Variants in MEI4 observed in about 807,000 individuals in gnomAD.
The protein encoded by MEI4 is meiosis-specific protein MEI4.
MEI4 carries 27 observed loss-of-function variants against 31.4 expected under a neutral mutation model. The ratio of observed to expected loss-of-function variants is 0.86; its 90% CI spans 0.63 to 1.19. MEI4 has a LOEUF of 1.19. Among genes scored for constraint, MEI4 ranks in the 50% most tolerant of loss-of-function variants. The pLI is 0.00. For missense variants in MEI4, 329 were observed against 398.9 expected, an observed-to-expected ratio of 0.82 and a Z score of 1.49; for synonymous variants, 122 against 145.4, an observed-to-expected ratio of 0.84 and a Z score of 1.16.
intron 4 of MEI4, among the ~76,000 whole-genome samples, chr6:77,905,791 G>A (rs182174154): frequency 5.0e-4 from 75 of 149,574 alleles, no homozygotes; most frequent in African/African-American, 1.5e-3. Flanking sequence ...CCACTGAGCC[G>A]GGCCAGCTTT....
Position 77,882,823 on chromosome 6 carries a change from T to C in MEI4, c.901-40266T>C, listed in dbSNP as rs561611330. Reference sequence around the variant, plus strand: ...TTTATATCAAATCCAGACAATATATTGGGACGTTAATTTGAAGAAAGAATG... The same window carrying C: ...TTTATATCAAATCCAGACAATATATCGGGACGTTAATTTGAAGAAAGAATG... On this transcript the variant is annotated intron_variant, in intron 4 of 4. Coordinates refer to ENST00000684080, the MANE Select transcript of MEI4 (RefSeq NM_001322247.2). 3.0e-4 allele frequency among the ~76,000 whole-genome samples: 45 copies of C among 152,326 alleles called. No individual in the cohort carries two copies. The South Asian group carries it at 9.1e-3, about 31-fold the overall frequency.
At chr6:77,895,167 T>C (rs182262286) in intron 4 of MEI4, among the ~76,000 whole-genome samples, 47 of 152,294 alleles carry the variant, frequency 3.1e-4, no homozygotes, top group African/African-American at 1.1e-3. Flanking sequence ...GATGTAAGTA[T>C]AAATGTAAGT....
At chr6:77,920,848 A>G in intron 4 of MEI4, among the ~76,000 whole-genome samples, 1 of 151,902 alleles carries the variant, frequency 6.6e-6, no homozygotes, top group East Asian at 1.9e-4. Flanking sequence ...TTTTCTTCTG[A>G]GCTGTAAGTC....
At chr6:77,908,993 C>G (rs1339718731) in intron 4 of MEI4, among the ~76,000 whole-genome samples, 1 of 152,052 alleles carries the variant, frequency 6.6e-6, no homozygotes, top group Non-Finnish European at 1.5e-5. Flanking sequence ...CAGCTCTGCA[C>G]CAAGCAGACC....
intron 1 of MEI4, among the ~76,000 whole-genome samples, chr6:77,676,565 G>A (rs1386863835): frequency 2.6e-5 from 4 of 151,984 alleles, no homozygotes; most frequent in South Asian, 2.1e-4. Context: ...AACCACTGAA[G>A]CCTTCAATAA....
At chr6:77,685,143 G>T (rs1769030915) in intron 1 of MEI4, among the ~76,000 whole-genome samples, 1 of 152,062 alleles carries the variant, frequency 6.6e-6, no homozygotes, top group South Asian at 2.1e-4. Context: ...TGCCATTTCT[G>T]TGTCTTCTTT....
chr6:77,705,803 TA>T (rs1766317857), intron 2 of MEI4, among the ~76,000 whole-genome samples: 1 of 152,214 alleles, frequency 6.6e-6, no homozygotes, highest in African/African-American at 2.4e-5. Context: ...ATTTTAAATT[TA>T]AGTGTGTGTG....
intron 4 of MEI4, among the ~76,000 whole-genome samples, chr6:77,846,521 T>G (rs1770491338): frequency 6.6e-6 from 1 of 152,188 alleles, no homozygotes; most frequent in Non-Finnish European, 1.5e-5. Flanking sequence ...CTGTTTCTCA[T>G]AGGATCTGTA....
At chr6:77,809,318 A>G (rs994297136) in intron 3 of MEI4, among the ~76,000 whole-genome samples, 2 of 152,172 alleles carry the variant, frequency 1.3e-5, no homozygotes, top group African/African-American at 2.4e-5. Context: ...AGTCATTGTG[A>G]CCTTTACAAA....
At chr6:77,814,364 A>G (rs1368781881) in intron 3 of MEI4, among the ~76,000 whole-genome samples, 2 of 151,424 alleles carry the variant, frequency 1.3e-5, no homozygotes, top group African/African-American at 4.8e-5. Flanking sequence ...AGAAAGCAGC[A>G]ATCTTGCAAA....
intron 3 of MEI4, among the ~76,000 whole-genome samples, chr6:77,811,887 T>C (rs1285500709): frequency 3.9e-5 from 6 of 152,210 alleles, no homozygotes; most frequent in African/African-American, 1.4e-4. Flanking sequence ...ATGCTATACT[T>C]AGCTGTTTTA....
intron 4 of MEI4, among the ~76,000 whole-genome samples, chr6:77,907,231 C>T (rs1224248734): frequency 6.6e-6 from 1 of 151,954 alleles, no homozygotes; most frequent in Non-Finnish European, 1.5e-5. Context: ...TGGTGTGTTG[C>T]ACCCATTAAC....
intron 4 of MEI4, among the ~76,000 whole-genome samples, chr6:77,908,921 C>G (rs1766364363): frequency 2.0e-5 from 3 of 152,062 alleles, no homozygotes; most frequent in Admixed American, 2.0e-4. Context: ...TTTAACACCC[C>G]ACTGTCAACA....
At chr6:77,832,488 C>G (rs528822293) in intron 4 of MEI4, among the ~76,000 whole-genome samples, 3 of 151,938 alleles carry the variant, frequency 2.0e-5, no homozygotes, top group East Asian at 3.9e-4. Flanking sequence ...TACTGAGAAG[C>G]CTTATGTGTC....
At chr6:77,812,998 CATT>C (rs1769610686) in intron 3 of MEI4, among the ~76,000 whole-genome samples, 1 of 151,924 alleles carries the variant, frequency 6.6e-6, no homozygotes, top group Non-Finnish European at 1.5e-5. Flanking sequence ...GAATTTGTGA[CATT>C]ATATTTTTGG....
chr6:77,770,021 G>A (rs567081570), intron 3 of MEI4, among the ~76,000 whole-genome samples: 21 of 151,832 alleles, frequency 1.4e-4, no homozygotes, highest in Admixed American at 3.3e-4. Context: ...CAGCTTGGCC[G>A]CAGTGGGGTA....
chr6:77,846,206 G>T (rs1040386288), intron 4 of MEI4, among the ~76,000 whole-genome samples: 7 of 151,736 alleles, frequency 4.6e-5, no homozygotes, highest in Admixed American at 6.6e-5. Context: ...TCTACCTCCC[G>T]GGTTCACGCC....
intron 2 of MEI4, among the ~76,000 whole-genome samples, chr6:77,732,627 C>G (rs1309438693): frequency 7.1e-6 from 1 of 141,426 alleles, no homozygotes; most frequent in African/African-American, 2.6e-5. Context: ...ATTTCCTTCT[C>G]CTGCCTAATT....
intron 3 of MEI4, among the ~76,000 whole-genome samples, chr6:77,828,507 C>T (rs183856495): frequency 2.2e-4 from 33 of 152,020 alleles, no homozygotes; most frequent in Non-Finnish European, 1.5e-4. Flanking sequence ...CCACCCTGCC[C>T]CCCTTCCATG....
Sources: allele counts gnomAD v4.1 joint callset (sites outside exome capture counted in the v4.1 genomes callset), GRCh38; gene constraint gnomAD v4.1.1; transcripts MANE v1.5; gene names NCBI Gene and HGNC (gene_info 2026-07-23, HGNC 2026-07-21).